Variants in ZNF469 observed in about 807,000 individuals in gnomAD.
ZNF469 encodes zinc finger protein 469.
Under a neutral mutation model 1.0 loss-of-function variants are expected in ZNF469, and 1 was observed. The ratio of observed to expected loss-of-function variants is 1.00; its 90% confidence interval spans 0.35 to 4.73. The LOEUF (loss-of-function observed/expected upper bound fraction) is 4.73. ZNF469 is among the 30% of genes most tolerant of loss of function. The pLI, the probability that ZNF469 is intolerant of heterozygous loss-of-function variation, is 0.16. For synonymous variants in ZNF469, 2,703 were observed against 2,363.4 expected (o/e 1.14, Z -4.17); for missense variants, 6,100 against 5,356.3 (o/e 1.14, Z -4.33).
At chr16:88,249,123 T>C in the ZNF469 span, among the ~76,000 whole-genome samples, 2 of 152,042 alleles carry the variant, frequency 1.3e-5, no homozygotes, top group African/African-American at 4.8e-5. Context: ...GATTATCCAG[T>C]ATCCCATGTC....
chr16:88,364,956 C>T, the ZNF469 span, among the ~76,000 whole-genome samples: 1 of 152,170 alleles, frequency 6.6e-6, no homozygotes, highest in Non-Finnish European at 1.5e-5. Flanking sequence ...CAGAGTGAGA[C>T]TCCATCTCAA....
At chr16:88,179,921 G>T in the ZNF469 span, among the ~76,000 whole-genome samples, 2 of 152,152 alleles carry the variant, frequency 1.3e-5, no homozygotes, top group South Asian at 4.1e-4. Flanking sequence ...TATGTGAAGT[G>T]GTAGAATATT....
chr16:88,220,767 C>T, the ZNF469 span, among the ~76,000 whole-genome samples: 1 of 152,188 alleles, frequency 6.6e-6, no homozygotes, highest in African/African-American at 2.4e-5. Context: ...TAGCACAGAC[C>T]TTGGTGCAGC....
chr16:88,395,235 GTAGATGGATGGATGGATGGATGGATGGA>G (rs1693843009), intron 1 of ZNF469, among the ~76,000 whole-genome samples: 1 of 138,422 alleles, frequency 7.2e-6, no homozygotes, highest in Non-Finnish European at 1.5e-5. Context: ...GGGTGGATGG[GTAGATGGATGGATGGATGGATGGATGGA>G]TGGATGGATG....
chr16:88,184,336 C>T, the ZNF469 span, among the ~76,000 whole-genome samples: 19 of 152,272 alleles, frequency 1.2e-4, no homozygotes, highest in African/African-American at 4.6e-4. Context: ...AGTGCAGCCC[C>T]TGCTAACCTT....
At chr16:88,213,617 C>G in the ZNF469 span, among the ~76,000 whole-genome samples, 27 of 152,316 alleles carry the variant, frequency 1.8e-4, no homozygotes, top group African/African-American at 6.5e-4. Context: ...CCTCATCCTA[C>G]TCATCACGAT....
At chr16:88,120,952 G>A in the ZNF469 span, among the ~76,000 whole-genome samples, 15 of 152,254 alleles carry the variant, frequency 9.9e-5, no homozygotes, top group South Asian at 8.3e-4. Context: ...GGCCGCAGGC[G>A]TTGGGTGAGG....
chr16:88,183,279 C>CT, the ZNF469 span, among the ~76,000 whole-genome samples: 2 of 152,300 alleles, frequency 1.3e-5, no homozygotes, highest in South Asian at 4.2e-4. Context: ...TGAACGTACC[C>CT]TTAACACGGG....
At chr16:88,304,906 T>C in the ZNF469 span, among the ~76,000 whole-genome samples, 1 of 152,150 alleles carries the variant, frequency 6.6e-6, no homozygotes, top group Non-Finnish European at 1.5e-5. Context: ...AATTTGGACA[T>C]TGGCTTGGGA....
At chr16:88,409,612 C>T (rs945770871) in intron 1 of ZNF469, among the ~76,000 whole-genome samples, 2 of 152,178 alleles carry the variant, frequency 1.3e-5, no homozygotes, top group Admixed American at 6.5e-5. Flanking sequence ...CCTCATAGGC[C>T]GTGTGCACCC....
Position 88,430,512 on chromosome 16 carries a change from A to AGCC in ZNF469, c.3049_3051dup (p.Ala1017dup). On this transcript the variant is annotated inframe_insertion, in exon 3 of 3. Coordinates refer to ENST00000565624, the MANE Select transcript of ZNF469 (RefSeq NM_001367624.2). ...CAGACCCCGCGCCCCGGGTCCCGAGAGCCGCCGCCCTCCCCGAGGAGACCC... is the reference window on the plus strand; with the variant it reads ...CAGACCCCGCGCCCCGGGTCCCGAGAGCCGCCGCCGCCCTCCCCGAGGAGACCC... 1 of 1,425,862 alleles carries AGCC rather than the reference A, an allele frequency of 7.0e-7. No homozygotes were observed. The highest frequency in any genetic ancestry group is 9.1e-7 in the Non-Finnish European group (1 of 1,099,848). 88.3% of individuals were successfully genotyped at this position (1,425,862 alleles called of 1,614,324 possible). A position where few individuals can be genotyped will look rare whatever the true frequency, so the allele number is the denominator to read the frequency against.
chr16:88,360,063 G>T, the ZNF469 span, among the ~76,000 whole-genome samples: 1 of 152,206 alleles, frequency 6.6e-6, no homozygotes, highest in Non-Finnish European at 1.5e-5. Context: ...CATCATGTTG[G>T]CCAGGCTGTT....
the ZNF469 span, among the ~76,000 whole-genome samples, chr16:88,154,752 C>G: frequency 6.6e-6 from 1 of 152,212 alleles, no homozygotes; most frequent in African/African-American, 2.4e-5. Context: ...CAGCATCTGC[C>G]ACATCACAGG....
At chr16:88,353,751 T>C in the ZNF469 span, among the ~76,000 whole-genome samples, 2 of 152,192 alleles carry the variant, frequency 1.3e-5, no homozygotes, top group Admixed American at 1.3e-4. Context: ...CATACACAGA[T>C]GCAGGGAAGA....
Position 88,424,422 on chromosome 16 carries a change from A to ACTGGGGAGGGAT in ZNF469, c.-191-383_-191-372dup, listed in dbSNP as rs1290223956. On this transcript the variant is annotated intron_variant, in intron 1 of 2. Transcript: ENST00000565624. The surrounding 1 kb of genome is among the most constrained non-coding windows in gnomAD (Gnocchi z 4.3). ...AAGCTCCTCTAGTCTCCCCAGCGGG[A>ACTGGGGAGGGAT]CTGGGGAGGGATCCTGGCAGGGATG... is the stretch of plus-strand genomic sequence containing the variant. Among the ~76,000 whole-genome samples, 16 of 152,294 alleles carry ACTGGGGAGGGAT rather than the reference A, an allele frequency of 1.1e-4. No individual in the cohort carries two copies. The highest frequency in any genetic ancestry group is 3.9e-4 in the African/African-American group (16 of 41,558).
chr16:88,160,962 G>A, the ZNF469 span, among the ~76,000 whole-genome samples: 2 of 152,174 alleles, frequency 1.3e-5, no homozygotes, highest in Admixed American at 1.3e-4. Context: ...GGCCAACATG[G>A]CAAAACAATG....
the ZNF469 span, among the ~76,000 whole-genome samples, chr16:88,367,761 G>A: frequency 1.3e-5 from 2 of 152,168 alleles, no homozygotes; most frequent in Admixed American, 1.3e-4. Context: ...ACTGGCTCCG[G>A]TCCCTGGGGT....
At chr16:88,193,151 G>GT in the ZNF469 span, among the ~76,000 whole-genome samples, 2 of 13,482 alleles carry the variant, frequency 1.5e-4, no homozygotes, top group Non-Finnish European at 2.9e-4. Flanking sequence ...ATGGTGGTGG[G>GT]GATGGTGGTG....
the ZNF469 span, among the ~76,000 whole-genome samples, chr16:88,148,743 T>A: frequency 1.3e-5 from 2 of 152,286 alleles, no homozygotes; most frequent in East Asian, 3.9e-4. Context: ...GGTGAGGCTG[T>A]CATCATTCTG....
Sources: allele counts gnomAD v4.1 joint callset (sites outside exome capture counted in the v4.1 genomes callset), GRCh38; gene constraint gnomAD v4.1.1; non-coding constraint Gnocchi (gnomAD v3.1); transcripts MANE v1.5; gene names NCBI Gene and HGNC (gene_info 2026-07-23, HGNC 2026-07-21).